Variants in RIT2 observed in about 807,000 individuals in gnomAD.
RIT2 encodes the protein Ras like without CAAX 2.
RIT2 carries 24 observed loss-of-function variants against 23.7 expected under a neutral mutation model. The ratio of observed to expected loss-of-function variants is 1.01; its 90% CI spans 0.73 to 1.43. The LOEUF (loss-of-function observed/expected upper bound fraction) is 1.43. Ranked by LOEUF, RIT2 falls within the 40% of genes most tolerant of loss-of-function variation. The probability of loss-of-function intolerance (pLI) is 0.00; values close to 1 mark genes in which losing one functional copy is unlikely to be tolerated. For synonymous variants in RIT2, 107 were observed against 91.1 expected, an observed-to-expected ratio of 1.17 and a Z score of -0.99; for missense variants, 236 against 266.9, an observed-to-expected ratio of 0.88 and a Z score of 0.81.
intron 4 of RIT2, among the ~76,000 whole-genome samples, chr18:42,857,050 G>T (rs370398137): frequency 6.6e-6 from 1 of 151,986 alleles, no homozygotes; most frequent in African/African-American, 2.4e-5. Context: ...GGATGGTCTC[G>T]ATCTCCTGAC....
intron 4 of RIT2, among the ~76,000 whole-genome samples, chr18:42,908,402 C>G (rs969782843): frequency 5.9e-5 from 9 of 152,098 alleles, no homozygotes; most frequent in African/African-American, 2.2e-4. Flanking sequence ...GGCTGAAAGC[C>G]TCCCAAATTT....
chr18:43,019,503 A>C (rs1258763360), intron 2 of RIT2, among the ~76,000 whole-genome samples: 1 of 152,016 alleles, frequency 6.6e-6, no homozygotes, highest in Non-Finnish European at 1.5e-5. Flanking sequence ...TGACAAAAAA[A>C]AACCCCAAAA....
At chr18:43,078,736 G>A (rs957075906) in intron 1 of RIT2, among the ~76,000 whole-genome samples, 2 of 152,314 alleles carry the variant, frequency 1.3e-5, no homozygotes, top group African/African-American at 4.8e-5. Flanking sequence ...CAGATATGGA[G>A]CTTTGGACCC....
At chr18:42,955,686 A>G (rs1909956298) in intron 3 of RIT2, among the ~76,000 whole-genome samples, 1 of 152,218 alleles carries the variant, frequency 6.6e-6, no homozygotes, top group Non-Finnish European at 1.5e-5. Context: ...GTTTTTAATT[A>G]TAATTGTCCT....
intron 4 of RIT2, among the ~76,000 whole-genome samples, chr18:42,854,250 ATCAATAGG>A (rs1377637099): frequency 6.6e-6 from 1 of 152,164 alleles, no homozygotes; most frequent in Admixed American, 6.6e-5. Context: ...CAATTCTCCA[ATCAATAGG>A]TCAGAGAAGA....
chr18:42,857,029 C>T (rs1907204308), intron 4 of RIT2, among the ~76,000 whole-genome samples: 1 of 151,954 alleles, frequency 6.6e-6, no homozygotes, highest in African/African-American at 2.4e-5. Flanking sequence ...GGGGTTTCAC[C>T]ATGTTAGCCA....
intron 4 of RIT2, among the ~76,000 whole-genome samples, chr18:42,809,925 T>A (rs1372782210): frequency 6.9e-6 from 1 of 144,070 alleles, no homozygotes; most frequent in Non-Finnish European, 1.5e-5. Context: ...AATTTGTATA[T>A]ATGTTATATA....
At chr18:43,077,102 C>CAAAAAAGAAAAAAAAA (rs755511835) in intron 1 of RIT2, among the ~76,000 whole-genome samples, 1 of 80,256 alleles carries the variant, frequency 1.2e-5, no homozygotes, top group African/African-American at 4.7e-5. Context: ...GACTCCGTCT[C>CAAAAAAGAAAAAAAAA]AAAAAAAAAA....
At chr18:42,793,075 G>A (rs1914078841) in intron 4 of RIT2, among the ~76,000 whole-genome samples, 1 of 151,874 alleles carries the variant, frequency 6.6e-6, no homozygotes, top group Non-Finnish European at 1.5e-5. Flanking sequence ...AAAAAAATGT[G>A]TGTTTCAATA....
intron 4 of RIT2, among the ~76,000 whole-genome samples, chr18:42,825,169 T>C (rs1181078013): frequency 6.6e-6 from 1 of 151,904 alleles, no homozygotes; most frequent in East Asian, 1.9e-4. Flanking sequence ...ATTATTTCCA[T>C]TAATATATAT....
At chr18:43,078,274 C>G (rs2144344331) in intron 1 of RIT2, among the ~76,000 whole-genome samples, 1 of 152,300 alleles carries the variant, frequency 6.6e-6, no homozygotes, top group Non-Finnish European at 1.5e-5. Context: ...AACCTAAACT[C>G]TCCACAGGTT....
intron 4 of RIT2, among the ~76,000 whole-genome samples, chr18:42,865,183 A>G (rs543571867): frequency 6.6e-6 from 1 of 152,290 alleles, no homozygotes; most frequent in South Asian, 2.1e-4. Context: ...ATCCAATCCA[A>G]TGCAAGCTGG....
intron 4 of RIT2, among the ~76,000 whole-genome samples, chr18:42,844,753 G>A (rs1259319650): frequency 1.3e-5 from 2 of 152,036 alleles, no homozygotes; most frequent in African/African-American, 4.8e-5. Flanking sequence ...GGAGAGGGTG[G>A]GCAAACAGGA....
In RIT2 at chr18:42,743,631, A is replaced by G; in HGVS notation, c.516T>C (p.Asp172=). The G allele has an allele frequency of 6.2e-7, 1 of 1,614,132 alleles. No individual in the cohort carries two copies. Among genetic ancestry groups the G allele is most frequent in the South Asian group, 1.1e-5 (1 of 91,080 alleles). ...TTTCCCTCACTAAGCCATGAAAAGC[A>G]TCATCAATACAGAATCTGAGGGCTG... ...TSAALRFCID[D]AFHGLVREIR... Residue 172 remains aspartate, a synonymous_variant, in exon 5 of 5, where the codon GAT becomes GAC. Coordinates refer to ENST00000326695, the MANE Select transcript of RIT2 (RefSeq NM_002930.4).
chr18:43,074,237 A>T (rs943343917), intron 1 of RIT2, among the ~76,000 whole-genome samples: 8 of 152,154 alleles, frequency 5.3e-5, no homozygotes, highest in African/African-American at 1.9e-4. Flanking sequence ...CAATTAAACC[A>T]CCCAGCAATG....
chr18:42,780,506 G>A (rs1255734500), intron 4 of RIT2, among the ~76,000 whole-genome samples: 1 of 152,104 alleles, frequency 6.6e-6, no homozygotes, highest in African/African-American at 2.4e-5. Flanking sequence ...AGTAAGAGAA[G>A]GAGATTCTCT....
chr18:42,933,679 C>A (rs1396754078), intron 3 of RIT2, among the ~76,000 whole-genome samples: 2 of 152,074 alleles, frequency 1.3e-5, no homozygotes, highest in Non-Finnish European at 2.9e-5. Flanking sequence ...CCACCATGAT[C>A]GAAAACTTTG....
At chr18:42,858,062 T>C (rs1384822972) in intron 4 of RIT2, among the ~76,000 whole-genome samples, 1 of 152,012 alleles carries the variant, frequency 6.6e-6, no homozygotes, top group Non-Finnish European at 1.5e-5. Flanking sequence ...GCGCCTGTAA[T>C]CCCAGCTACT....
chr18:42,975,649 G>T (rs1319792100), intron 2 of RIT2, among the ~76,000 whole-genome samples: 1 of 151,998 alleles, frequency 6.6e-6, no homozygotes, highest in Non-Finnish European at 1.5e-5. Flanking sequence ...CTGTAGTTGG[G>T]ACAACAGTAA....
Sources: gnomAD v4.1 joint callset for allele counts (sites outside exome capture counted in the v4.1 genomes callset) on GRCh38, gnomAD v4.1.1 for gene constraint, MANE v1.5 for transcripts, NCBI Gene and HGNC (gene_info 2026-07-23, HGNC 2026-07-21) for gene names.